Variants in FRMPD1 observed in about 807,000 individuals in gnomAD.
The protein encoded by FRMPD1 is FERM and PDZ domain containing 1, also known as FERM and PDZ domain-containing protein 1.
Under a neutral mutation model 117.8 loss-of-function variants are expected in FRMPD1, and 76 were observed. The observed-to-expected ratio is 0.65, with a 90% CI of 0.54 to 0.78. The LOEUF (loss-of-function observed/expected upper bound fraction) is 0.78. Among genes scored for constraint, FRMPD1 ranks in the 30% least tolerant of loss-of-function variants. The pLI, the probability that FRMPD1 is intolerant of heterozygous loss-of-function variation, is 0.00. For synonymous variants in FRMPD1, 783 were observed against 770.4 expected (o/e 1.02, Z -0.27); for missense variants, 1,786 against 1,964.5 (o/e 0.91, Z 1.72).
rs767459816 is a variant in FRMPD1 at position 37,746,391 on chromosome 9, G to T, written c.4359G>T (p.Trp1453Cys). 2.4e-5 allele frequency: 38 copies of T among 1,612,858 alleles called. No individual in the cohort carries two copies. The highest frequency in any genetic ancestry group is 2.9e-5 in the Non-Finnish European group (34 of 1,179,854). Residue 1453 changes from tryptophan to cysteine, a missense_variant, in exon 16 of 16, where the codon TGG (tryptophan) becomes TGT (cysteine). Physicochemically the swap from Trp to Cys is radical, Grantham distance 215. Transcript: ENST00000377765. ...GNKHPPEKCT[W>C]HFTESRSRLC... is the part of the protein sequence containing the mutation. ...AACATCCCCCAGAGAAGTGCACCTG[G>T]CACTTTACCGAAAGCCGGAGCCGCC...
At chr9:37,615,478 T>C in the FRMPD1 span, among the ~76,000 whole-genome samples, 1 of 152,166 alleles carries the variant, frequency 6.6e-6, no homozygotes, top group South Asian at 2.1e-4. Flanking sequence ...TATTAATATT[T>C]TCAATGAGAT....
intron 2 of FRMPD1, 78 bp downstream of exon 2, chr9:37,692,820 G>T (rs931658652): frequency 2.0e-6 from 2 of 1,021,326 alleles, no homozygotes; most frequent in Non-Finnish European, 3.1e-6. Flanking sequence ...GGTCCTGGCC[G>T]CACCTTGGGA....
Position 37,744,948 on chromosome 9 carries a change from T to C in FRMPD1, c.2916T>C (p.Ser972=). Reference sequence around the variant, plus strand: ...CCTCAGCAAGCACTCCTCACTGTTCTAACCCAGGTTCATCTGGCCCAGATA... The same window carrying C: ...CCTCAGCAAGCACTCCTCACTGTTCCAACCCAGGTTCATCTGGCCCAGATA... ...ASSSASTPHC[S]NPGSSGPDTA... is the part of the protein sequence containing the mutation. Residue 972 remains serine (S), a synonymous_variant, in exon 16 of 16, where the codon TCT becomes TCC. Coordinates refer to ENST00000377765, the MANE Select transcript of FRMPD1 (RefSeq NM_014907.3). 6.2e-7 allele frequency: 1 copy of C among 1,614,230 alleles called. No individual in the cohort carries two copies. Among genetic ancestry groups the C allele is most frequent in the Non-Finnish European group, 8.5e-7 (1 of 1,180,034 alleles).
chr9:37,702,037 C>T (rs1822551393), intron 2 of FRMPD1, among the ~76,000 whole-genome samples: 1 of 152,180 alleles, frequency 6.6e-6, no homozygotes, highest in South Asian at 2.1e-4. Context: ...ATACCATTTA[C>T]TGAGCTCTGA....
chr9:37,679,964 T>C (rs112065887), intron 1 of FRMPD1, among the ~76,000 whole-genome samples: 1,864 of 152,288 alleles, frequency 0.012, 32 homozygotes, highest in African/African-American at 0.042. Context: ...AGTGTTGGCA[T>C]TGGTGTTCGT....
Position 37,745,396 on chromosome 9 carries a change from A to G in FRMPD1, c.3364A>G (p.Thr1122Ala). The change falls in exon 16 of 16, where the codon ACC becomes GCC. Residue 1122 changes from threonine to alanine, a missense_variant. Thr to Ala is a moderately conservative substitution (Grantham distance 58). Transcript: ENST00000377765. The stretch of plus-strand genomic sequence containing the variant: ...CAGAGAAGTTACAAACAAAAATGGC[A>G]CCAACGTATTTCAGGAGGAGTCTAG... ...RDREVTNKNGTNVFQEESRKD... is the reference protein window; with the variant it reads ...RDREVTNKNGANVFQEESRKD... 6.2e-7 allele frequency: 1 copy of G among 1,614,168 alleles called. No homozygotes were observed. The highest frequency in any genetic ancestry group is 8.5e-7 in the Non-Finnish European group (1 of 1,179,990).
chr9:37,713,131 C>A (rs1314151540), intron 5 of FRMPD1, among the ~76,000 whole-genome samples: 1 of 151,980 alleles, frequency 6.6e-6, no homozygotes, highest in Non-Finnish European at 1.5e-5. Flanking sequence ...TTGGATTTAA[C>A]AAAGTATATC....
chr9:37,722,681 C>G (rs955827025), intron 6 of FRMPD1, among the ~76,000 whole-genome samples: 1 of 152,136 alleles, frequency 6.6e-6, no homozygotes, highest in African/African-American at 2.4e-5. Flanking sequence ...ATCTTGGGAA[C>G]TCTAAAATTT....
chr9:37,691,124 A>T (rs1243166551), intron 1 of FRMPD1, among the ~76,000 whole-genome samples: 1 of 152,256 alleles, frequency 6.6e-6, no homozygotes, highest in African/African-American at 2.4e-5. Flanking sequence ...GCACAGGAAG[A>T]GGTCTTGTCA....
intron 1 of FRMPD1, among the ~76,000 whole-genome samples, chr9:37,651,710 C>G (rs759082275): frequency 8.5e-5 from 13 of 152,148 alleles, no homozygotes; most frequent in Non-Finnish European, 1.0e-4. Context: ...GGTTAGGAGT[C>G]AGGACTCTGG....
At chr9:37,708,189 C>A (rs1281229916) in intron 3 of FRMPD1, among the ~76,000 whole-genome samples, 1 of 152,108 alleles carries the variant, frequency 6.6e-6, no homozygotes, top group African/African-American at 2.4e-5. Context: ...TCTAACATCC[C>A]TGGAAGTTGG....
upstream of FRMPD1, among the ~76,000 whole-genome samples, chr9:37,649,323 T>C (rs1332673548): frequency 6.6e-6 from 1 of 152,230 alleles, no homozygotes; most frequent in Admixed American, 6.5e-5. Flanking sequence ...GAATACTTGA[T>C]TTTTAAAAAG....
intron 6 of FRMPD1, among the ~76,000 whole-genome samples, chr9:37,723,865 G>A (rs1415782221): frequency 6.6e-6 from 1 of 152,108 alleles, no homozygotes; most frequent in African/African-American, 2.4e-5. Context: ...GGGCATGGTG[G>A]TGTGTGCCTG....
At chr9:37,668,197 T>G (rs895828508) in intron 1 of FRMPD1, 1 of 152,214 alleles carries the variant, frequency 6.6e-6, no homozygotes, top group African/African-American at 2.4e-5. Context: ...GTTGAGGTCT[T>G]GAGGATGAGA....
chr9:37,702,990 G>T (rs558103434), intron 2 of FRMPD1, among the ~76,000 whole-genome samples: 1 of 152,222 alleles, frequency 6.6e-6, no homozygotes, highest in South Asian at 2.1e-4. Context: ...AAGAGCCAGG[G>T]TTTATTGAAC....
At chr9:37,629,060 G>T in the FRMPD1 span, among the ~76,000 whole-genome samples, 1 of 152,156 alleles carries the variant, frequency 6.6e-6, no homozygotes, top group Non-Finnish European at 1.5e-5. Flanking sequence ...TTAGCTAGAC[G>T]TGGTGGCACA....
Position 37,681,302 on chromosome 9 carries a change from C to T in FRMPD1, c.-4-11336C>T, listed in dbSNP as rs534768895. 3.3e-5 allele frequency among the ~76,000 whole-genome samples: 5 copies of T among 151,760 alleles called. No individual in the cohort carries two copies. In the South Asian group the frequency reaches 6.3e-4, roughly 19 times the overall value. ...CTTCTTATGGCCACAGGTGAAATGA[C>T]GTGTGAGGTTAAAATATCAGGGCCT... On this transcript the variant is annotated intron_variant, in intron 1 of 15. Transcript: ENST00000377765.
At chr9:37,642,393 T>C in the FRMPD1 span, among the ~76,000 whole-genome samples, 5 of 151,952 alleles carry the variant, frequency 3.3e-5, no homozygotes, top group South Asian at 2.1e-4. Context: ...TCCCCTTCAA[T>C]AGCTGACTTG....
At chr9:37,628,308 T>A in the FRMPD1 span, among the ~76,000 whole-genome samples, 324 of 152,248 alleles carry the variant, frequency 2.1e-3, no homozygotes, top group African/African-American at 7.5e-3. Context: ...GATGAGGCAG[T>A]AGCAGGATGG....
Sources: gnomAD v4.1 joint callset for allele counts (sites outside exome capture counted in the v4.1 genomes callset) on GRCh38, gnomAD v4.1.1 for gene constraint, MANE v1.5 for transcripts, NCBI Gene and HGNC (gene_info 2026-07-23, HGNC 2026-07-21) for gene names.